ZEB1: variants seen among roughly 807,000 people sequenced by gnomAD.
ZEB1 encodes zinc finger E-box binding homeobox 1.
In ZEB1, 21 loss-of-function variants were observed where a neutral mutation model predicts 84.9. The observed-to-expected ratio is 0.25, with a 90% confidence interval of 0.18 to 0.36. The LOEUF (loss-of-function observed/expected upper bound fraction) is 0.36. Among genes scored for constraint, ZEB1 ranks in the 10% least tolerant of loss-of-function variants. ZEB1 has a pLI of 1.00. For missense variants in ZEB1, 1,104 were observed against 1,330.2 expected (o/e 0.83, Z 2.65); for synonymous variants, 420 against 471.1 (o/e 0.89, Z 1.41).
At chr10:31,430,514 TAATA>T (rs1205139267) in intron 1 of ZEB1, among the ~76,000 whole-genome samples, 2 of 152,366 alleles carry the variant, frequency 1.3e-5, no homozygotes, top group East Asian at 3.8e-4. Flanking sequence ...TTTTTCAGTT[TAATA>T]GTTACTTAGT....
chr10:31,377,473 A>G (rs949258921), intron 1 of ZEB1, among the ~76,000 whole-genome samples: 2 of 151,942 alleles, frequency 1.3e-5, no homozygotes, highest in Admixed American at 6.6e-5. Context: ...GTATACACAC[A>G]TGGCCATCCA....
At chr10:31,363,668 C>G in intron 1 of ZEB1, 4 of 1,374,278 alleles carry the variant, frequency 2.9e-6, no homozygotes, top group Non-Finnish European at 4.0e-6. Flanking sequence ...TTAAACTTGC[C>G]TCTGAGACAA....
chr10:31,446,136 TAGTCTTGGGAGAGTGTATGTGTCG>T (rs1458378466), intron 1 of ZEB1, among the ~76,000 whole-genome samples: 2 of 151,958 alleles, frequency 1.3e-5, no homozygotes, highest in Non-Finnish European at 2.9e-5. Context: ...CTTCCTGGTT[TAGTCTTGGGAGAGTGTATGTGTCG>T]AGGAATGTAT....
intron 6 of ZEB1, among the ~76,000 whole-genome samples, chr10:31,518,955 T>G (rs1188634767): frequency 2.6e-5 from 4 of 152,176 alleles, no homozygotes; most frequent in African/African-American, 9.7e-5. Context: ...TAAGCAATTT[T>G]TAGTAGGGCT....
intron 1 of ZEB1, among the ~76,000 whole-genome samples, chr10:31,419,119 T>G (rs558403259): frequency 6.6e-6 from 1 of 152,228 alleles, no homozygotes; most frequent in East Asian, 1.9e-4. Flanking sequence ...AAAGTAATCC[T>G]GTAACTATAA....
intron 1 of ZEB1, among the ~76,000 whole-genome samples, chr10:31,324,242 C>T (rs976621445): frequency 6.6e-6 from 1 of 151,964 alleles, no homozygotes; most frequent in Non-Finnish European, 1.5e-5. Context: ...CTGTTTTCTT[C>T]CTTTCTCTAG....
intron 1 of ZEB1, among the ~76,000 whole-genome samples, chr10:31,343,029 C>T (rs924930790): frequency 5.3e-5 from 8 of 152,076 alleles, no homozygotes; most frequent in South Asian, 2.1e-4. Flanking sequence ...ATTCCAAGGA[C>T]GGTAAAAACA....
Position 31,521,254 on chromosome 10 carries a change from A to G in ZEB1, c.1922A>G (p.Gln641Arg). 1 of 1,614,118 alleles carries G rather than the reference A, an allele frequency of 6.2e-7. No homozygotes were observed. Among genetic ancestry groups the G allele is most frequent in the Non-Finnish European group, 8.5e-7 (1 of 1,180,018 alleles). Reference protein sequence around the residue: ...EKMQAGQISVQSSEPSSPEPG... With the variant: ...EKMQAGQISVRSSEPSSPEPG... The stretch of plus-strand genomic sequence containing the variant: ...ATGCAAGCTGGACAGATTTCAGTGC[A>G]GTCTTCTGAACCATCTTCTCCTGAA... The change falls in exon 7 of 9, where the codon CAG becomes CGG. Residue 641 changes from glutamine to arginine, a missense_variant. By Grantham distance (43) the Gln-to-Arg change is conservative. This residue lies in a region of ZEB1 where 531 missense variants were observed against 575.2 expected (regional missense o/e 0.92). Coordinates refer to ENST00000424869, the MANE Select transcript of ZEB1 (RefSeq NM_001174096.2).
chr10:31,507,140 C>G (rs1456449955), intron 4 of ZEB1, among the ~76,000 whole-genome samples: 2 of 152,022 alleles, frequency 1.3e-5, no homozygotes, highest in African/African-American at 2.4e-5. Flanking sequence ...TCTTTCAATA[C>G]TTTGAATAAA....
intron 1 of ZEB1, among the ~76,000 whole-genome samples, chr10:31,445,056 G>A (rs1399516858): frequency 6.8e-6 from 1 of 147,768 alleles, no homozygotes; most frequent in Non-Finnish European, 1.5e-5. Context: ...AGCATGGAAT[G>A]TTCTTCCATT....
intron 1 of ZEB1, among the ~76,000 whole-genome samples, chr10:31,366,984 G>T (rs984505323): frequency 4.5e-4 from 69 of 152,206 alleles, no homozygotes; most frequent in African/African-American, 1.4e-3. Context: ...AAATATTTTT[G>T]TGTGAAATTG....
intron 1 of ZEB1, among the ~76,000 whole-genome samples, chr10:31,435,335 C>T (rs191934628): frequency 2.0e-5 from 3 of 152,186 alleles, no homozygotes; most frequent in African/African-American, 7.2e-5. Context: ...CCATATTGGG[C>T]ATCTAATTGT....
chr10:31,331,420 A>G (rs568416207), intron 1 of ZEB1, among the ~76,000 whole-genome samples: 1 of 152,094 alleles, frequency 6.6e-6, no homozygotes, highest in African/African-American at 2.4e-5. Context: ...ATCTGCCATT[A>G]TTTGGCCTCT....
chr10:31,473,370 A>G (rs1264299911), intron 2 of ZEB1, among the ~76,000 whole-genome samples: 2 of 150,962 alleles, frequency 1.3e-5, no homozygotes, highest in African/African-American at 2.4e-5. Context: ...GTCTCAGGAT[A>G]CAAAATCAAT....
At chr10:31,424,334 A>T in intron 1 of ZEB1, among the ~76,000 whole-genome samples, 1 of 152,110 alleles carries the variant, frequency 6.6e-6, no homozygotes, top group Middle Eastern at 3.4e-3. Flanking sequence ...TATATCATGA[A>T]TAATGCCCAG....
At chr10:31,363,534 C>T in intron 1 of ZEB1, 1 of 1,528,606 alleles carries the variant, frequency 6.5e-7, no homozygotes, top group Non-Finnish European at 8.8e-7. Context: ...TTTTATTGTC[C>T]TCCTGCCCCT....
Position 31,521,388 on chromosome 10 carries a change from A to G in ZEB1, c.2056A>G (p.Asn686Asp), listed in dbSNP as rs991180993. ...VNLQSPLKMT[N>D]SPVLPVGSTT... Reference sequence around the variant, plus strand: ...TCTACAAAGTCCTTTGAAGATGACTAACTCCCCAGTTTTACCAGTGGGATC... The same window carrying G: ...TCTACAAAGTCCTTTGAAGATGACTGACTCCCCAGTTTTACCAGTGGGATC... The change falls in exon 7 of 9, where the codon AAC (asparagine) becomes GAC (aspartate). Residue 686 changes from asparagine to aspartate, a missense_variant. Physicochemically the swap from Asn to Asp is conservative, Grantham distance 23 (BLOSUM62 1). Transcript: ENST00000424869. The G allele has an allele frequency of 6.2e-6, 10 of 1,613,964 alleles. No homozygotes were observed. Among genetic ancestry groups the G allele is most frequent in the Non-Finnish European group, 7.6e-6 (9 of 1,180,000 alleles).
At chr10:31,416,385 C>A (rs1426044449) in intron 1 of ZEB1, among the ~76,000 whole-genome samples, 1 of 152,068 alleles carries the variant, frequency 6.6e-6, no homozygotes, top group Non-Finnish European at 1.5e-5. Flanking sequence ...TAATTTATTT[C>A]TTACCCTCAG....
chr10:31,518,563 A>G (rs1489942586), intron 6 of ZEB1, among the ~76,000 whole-genome samples: 4 of 152,158 alleles, frequency 2.6e-5, no homozygotes, highest in East Asian at 1.9e-4. Context: ...GAGTTTTGCT[A>G]TATAATCTCA....
Sources: gnomAD v4.1 joint callset for allele counts (sites outside exome capture counted in the v4.1 genomes callset) on GRCh38, gnomAD v4.1.1 for gene constraint, gnomAD v4.1.1 regional missense constraint, MANE v1.5 for transcripts, NCBI Gene and HGNC (gene_info 2026-07-23, HGNC 2026-07-21) for gene names.